Variants in ADGRF4 observed in about 807,000 individuals in gnomAD.
ADGRF4 encodes the protein G-protein coupled receptor PGR18.
A neutral mutation model predicts 58.5 loss-of-function variants in ADGRF4; 63 were observed. That is an observed-to-expected ratio of 1.08 (90% CI 0.88 to 1.33). The LOEUF is 1.33. Among genes scored for constraint, ADGRF4 ranks in the 40% most tolerant of loss-of-function variants. The pLI, the probability that ADGRF4 is intolerant of heterozygous loss-of-function variation, is 0.00. For missense variants in ADGRF4, 931 were observed against 843.9 expected (o/e 1.10, Z -1.28); for synonymous variants, 313 against 295.4 (o/e 1.06, Z -0.61).
intron 6 of ADGRF4, chr6:47,715,681 T>G (rs537761532): frequency 6.5e-6 from 1 of 153,964 alleles, no homozygotes; most frequent in South Asian, 2.0e-4. Context: ...TAGAAACAGA[T>G]CTTGCCATAT....
intron 6 of ADGRF4, 97 bp downstream of exon 6, chr6:47,715,274 C>T (rs1193103092): frequency 4.5e-6 from 4 of 891,926 alleles, no homozygotes; most frequent in Non-Finnish European, 6.9e-6. Flanking sequence ...GTTCTCTCCA[C>T]TTCCTTTTAC....
intron 9 of ADGRF4, among the ~76,000 whole-genome samples, chr6:47,720,060 C>G (rs1294258236): frequency 1.3e-5 from 2 of 152,144 alleles, no homozygotes; most frequent in Non-Finnish European, 2.9e-5. Context: ...CACATGGTAC[C>G]AGAAGGGCTC....
chr6:47,703,589 A>G (rs1160257107), intron 1 of ADGRF4, among the ~76,000 whole-genome samples: 1 of 152,254 alleles, frequency 6.6e-6, no homozygotes, highest in African/African-American at 2.4e-5. Context: ...ATAAATTACC[A>G]TCCCAAATGG....
chr6:47,710,661 T>G (rs1179863823), intron 3 of ADGRF4, 74 bp from the exon 4 acceptor site: 3 of 1,457,348 alleles, frequency 2.1e-6, no homozygotes, highest in African/African-American at 2.9e-5. Context: ...CAGAATGAAT[T>G]TGATGCACCT....
At chr6:47,716,913 G>C in intron 7 of ADGRF4, 66 bp downstream of exon 7, 4,717 of 1,028,216 alleles carry the variant, frequency 4.6e-3, no homozygotes, top group Non-Finnish European at 6.5e-3. Flanking sequence ...GGAGGATGAA[G>C]CAGTTTTGAT....
At chr6:47,705,337 C>T (rs183903116) in intron 1 of ADGRF4, among the ~76,000 whole-genome samples, 2 of 152,352 alleles carry the variant, frequency 1.3e-5, no homozygotes, top group East Asian at 3.9e-4. Context: ...AGTTAAGCAT[C>T]TATCTTGGAC....
At position 47,714,345 on chromosome 6, in the gene ADGRF4, T is replaced by A. The variant is rs758210423; in HGVS notation, c.1100T>A (p.Met367Lys). 19 of 1,614,012 alleles carry A rather than the reference T, an allele frequency of 1.2e-5. No homozygotes were observed. The highest frequency in any genetic ancestry group is 1.6e-5 in the Non-Finnish European group (19 of 1,180,010). ...RRWDEKACQM[M>K]LDIRNEVKCR... is the part of the protein sequence containing the mutation. ...TGGGATGAGAAAGCGTGCCAAATGA[T>A]GTTGGATATCAGGAACGAAGTGAAA... The change falls in exon 6 of 10, where the codon ATG (methionine) becomes AAG (lysine). Residue 367 changes from methionine to lysine, a missense_variant. By Grantham distance (95) the Met-to-Lys change is moderately conservative. Transcript: ENST00000283303.
intron 1 of ADGRF4, among the ~76,000 whole-genome samples, chr6:47,701,509 G>A (rs188530967): frequency 1.1e-4 from 16 of 152,252 alleles, no homozygotes; most frequent in African/African-American, 3.9e-4. Flanking sequence ...GCAATTGGAG[G>A]GAATTTATAA....
Position 47,713,791 on chromosome 6 carries a change from A to T in ADGRF4, c.553-7A>T. 3.3e-6 allele frequency: 5 copies of T among 1,519,310 alleles called. No homozygotes were observed. The highest frequency in any genetic ancestry group is 4.4e-6 in the Non-Finnish European group (5 of 1,135,530). 94.1% of individuals were successfully genotyped at this position (1,519,310 alleles called of 1,614,324 possible). A position where few individuals can be genotyped will look rare whatever the true frequency, so the allele number is the denominator to read the frequency against. On this transcript the variant is annotated splice_polypyrimidine_tract_variant and splice_region_variant and intron_variant, in intron 5 of 9. Coordinates refer to ENST00000283303, the MANE Select transcript of ADGRF4 (RefSeq NM_153838.5). The stretch of plus-strand genomic sequence containing the variant: ...CTTAGTATAATGTTCACCTTTCTCC[A>T]TTGCAGAGCTATAGTGAAGTGGCCA...
chr6:47,701,027 G>A (rs574325365), intron 1 of ADGRF4, among the ~76,000 whole-genome samples: 1 of 152,272 alleles, frequency 6.6e-6, no homozygotes, highest in Admixed American at 6.5e-5. Context: ...TTGACCCATT[G>A]TGATTAGAAT....
chr6:47,721,107 A>C (rs963971721), intron 9 of ADGRF4, 102 bp from the exon 10 acceptor site: 1 of 152,192 alleles, frequency 6.6e-6, no homozygotes, highest in South Asian at 2.1e-4. Flanking sequence ...ATAATAGTAC[A>C]TGCCTCCCAG....
At chr6:47,709,172 C>T (rs567645341) in intron 3 of ADGRF4, among the ~76,000 whole-genome samples, 1 of 151,678 alleles carries the variant, frequency 6.6e-6, no homozygotes, top group African/African-American at 2.4e-5. Context: ...CTGGTTACCT[C>T]ATTTTATTGA....
intron 6 of ADGRF4, among the ~76,000 whole-genome samples, chr6:47,716,310 C>A (rs913235835): frequency 1.3e-5 from 2 of 152,102 alleles, no homozygotes. Context: ...CTGTAGCATT[C>A]TCTTTCTTTT....
At position 47,708,260 on chromosome 6, in the gene ADGRF4, A is replaced by G; in HGVS notation, c.130A>G (p.Lys44Glu). The G allele has an allele frequency of 1.2e-6, 2 of 1,611,960 alleles. No individual in the cohort carries two copies. The highest frequency in any genetic ancestry group is 1.7e-6 in the Non-Finnish European group (2 of 1,178,100). The part of the protein sequence containing the change: ...DKLQSPEGKP[K>E]TGRIQEKCEG... ...ACTTCAAAGCCCTGAAGGGAAACCC[A>G]AGACTGGAAGGATCCAAGGTATGTG... The change falls in exon 3 of 10, where the codon AAG becomes GAG. Residue 44 changes from lysine to glutamate, a missense_variant. Transcript: ENST00000283303.
chr6:47,707,786 T>C (rs1771754950), intron 2 of ADGRF4, among the ~76,000 whole-genome samples: 1 of 152,206 alleles, frequency 6.6e-6, no homozygotes, highest in African/African-American at 2.4e-5. Flanking sequence ...TGCTACCTAG[T>C]GATTATTCCT....
rs759355199 is a variant in ADGRF4, at chr6:47,714,463, C to A, written c.1218C>A (p.Cys406Ter). Residue 406 changes from cysteine to a stop codon, truncating the protein, a stop_gained, in exon 6 of 10, where the codon TGC becomes TGA. Coordinates refer to ENST00000283303, the MANE Select transcript of ADGRF4 (RefSeq NM_153838.5). LOFTEE classifies it high-confidence loss of function. Reference protein sequence around the residue: ...MTDKVLDYITCIGLSVSILSL... With the variant: ...MTDKVLDYIT ...ACAAAGTTCTGGACTACATCACCTG[C>A]ATTGGGCTCAGCGTCTCAATCCTAA... The A allele has an allele frequency of 6.2e-7, 1 of 1,614,166 alleles. No individual in the cohort carries two copies. The highest frequency in any genetic ancestry group is 1.1e-5 in the South Asian group (1 of 91,076).
At chr6:47,699,462 A>G (rs1771536063) in intron 1 of ADGRF4, among the ~76,000 whole-genome samples, 1 of 152,204 alleles carries the variant, frequency 6.6e-6, no homozygotes, top group Non-Finnish European at 1.5e-5. Flanking sequence ...AATTTCTTTA[A>G]AATTTTATAA....
chr6:47,717,312 G>A lies in ADGRF4; in HGVS notation c.1995G>A (p.Met665Ile). ...MDHKIRDALR[M>I]RMSSLKGKSR... ...TTTAGATAAGAGATGCTTTGAGGAT[G>A]AGGATGTCTTCACTGAAGGGGAAAT... is the stretch of plus-strand genomic sequence containing the variant. The change falls in exon 8 of 10, where the codon ATG (methionine) becomes ATA (isoleucine). Residue 665 changes from methionine to isoleucine, a missense_variant. Met to Ile is a conservative substitution (Grantham distance 10). Transcript: ENST00000283303. 2 of 1,611,842 alleles carry A rather than the reference G, an allele frequency of 1.2e-6. No homozygotes were observed. Among genetic ancestry groups the A allele is most frequent in the African/African-American group, 1.3e-5 (1 of 74,986 alleles).
At chr6:47,700,186 T>G (rs141224588) in intron 1 of ADGRF4, among the ~76,000 whole-genome samples, 111 of 152,318 alleles carry the variant, frequency 7.3e-4, no homozygotes, top group Non-Finnish European at 1.4e-3. Context: ...TAGGGTGTTT[T>G]GCATGAACAG....
Sources: gnomAD v4.1 joint callset for allele counts (sites outside exome capture counted in the v4.1 genomes callset) on GRCh38, gnomAD v4.1.1 for gene constraint, MANE v1.5 for transcripts, NCBI Gene and HGNC (gene_info 2026-07-23, HGNC 2026-07-21) for gene names.